The following INTS7 variants were observed in gnomAD, a reference collection of about 807,000 sequenced individuals.
The protein encoded by INTS7 is integrator complex subunit 7.
In INTS7, 46 loss-of-function variants were observed where a neutral mutation model predicts 109.2. The observed-to-expected ratio is 0.42, with a 90% CI of 0.33 to 0.54. The LOEUF is 0.54. Among genes scored for constraint, INTS7 ranks in the 20% least tolerant of loss-of-function variants. The pLI is 0.07. For synonymous variants in INTS7, 412 were observed against 402.9 expected (o/e 1.02, Z -0.27); for missense variants, 929 against 1,132.4 (o/e 0.82, Z 2.58).
At chr1:211,995,430 A>C (rs1405333761) in intron 7 of INTS7, among the ~76,000 whole-genome samples, 1 of 152,206 alleles carries the variant, frequency 6.6e-6, no homozygotes, top group African/African-American at 2.4e-5. Flanking sequence ...AGGTAAATCT[A>C]ACTATAAGGA....
intron 4 of INTS7, among the ~76,000 whole-genome samples, chr1:212,014,597 C>T (rs539880745): frequency 0.01 from 1,539 of 148,442 alleles, 31 homozygotes; most frequent in African/African-American, 0.036. Flanking sequence ...TGATGCCGAG[C>T]GGAGGCTGGA....
chr1:212,022,295 T>TA (rs1181020770), intron 1 of INTS7, among the ~76,000 whole-genome samples: 1 of 152,106 alleles, frequency 6.6e-6, no homozygotes, highest in East Asian at 1.9e-4. Context: ...AACCATAAAA[T>TA]AAAAAAGTGC....
chr1:212,020,017 A>G, intron 3 of INTS7, 105 bp downstream of exon 3: 1 of 794,054 alleles, frequency 1.3e-6, no homozygotes, highest in East Asian at 3.2e-5. Context: ...AAAAAACATA[A>G]ACAACTCCTA....
Position 212,007,263 on chromosome 1 carries a change from T to A in INTS7, c.743A>T (p.Asp248Val). The change falls in exon 6 of 20, where the codon GAT becomes GTT. Residue 248 changes from aspartate to valine, a missense_variant. Around this residue, in one of 2 missense-constraint regions of INTS7, gnomAD observed 787 missense variants for 901.1 expected, o/e 0.87. Transcript: ENST00000366994. The stretch of plus-strand genomic sequence containing the variant: ...AATTGAAATTACCTGCTTAGGTGTA[T>A]CAACCAAAGATGACGCTGCAAGCAG... ...FTLLAASSLV[D>V]TPKQIQLLLQ... 1 of 1,613,374 alleles carries A rather than the reference T, an allele frequency of 6.2e-7. No homozygotes were observed. Among genetic ancestry groups the A allele is most frequent in the Non-Finnish European group, 8.5e-7 (1 of 1,179,398 alleles).
intron 1 of INTS7, among the ~76,000 whole-genome samples, chr1:212,030,533 C>A (rs1015284026): frequency 2.0e-5 from 3 of 152,134 alleles, no homozygotes; most frequent in African/African-American, 7.2e-5. Context: ...AGGTGATCCG[C>A]CCGCCTCGGC....
intron 7 of INTS7, among the ~76,000 whole-genome samples, chr1:212,004,060 T>TTAG (rs1447891734): frequency 6.6e-6 from 1 of 152,202 alleles, no homozygotes; most frequent in Admixed American, 6.5e-5. Context: ...AATAATCCAA[T>TTAG]TAGTCCAGGC....
chr1:212,007,369 T>C lies in INTS7; in HGVS notation c.637A>G (p.Ser213Gly), dbSNP rs770322794. Residue 213 changes from serine (S) to glycine (G), a missense_variant, in exon 6 of 20, where the codon AGT becomes GGT. By Grantham distance (56) the Ser-to-Gly change is moderately conservative (BLOSUM62 0). This residue lies in a region of INTS7 where 787 missense variants were observed against 901.1 expected (regional missense o/e 0.87). Coordinates refer to ENST00000366994, the MANE Select transcript of INTS7 (RefSeq NM_015434.4). ...AGCTGTTGTAAAAGCTGACGAGCAC[T>C]GGAAGCCAAGATTGCATCATGGTGC... ...HMHHDAILAS[S>G]ARQLLQQLVT... The C allele has an allele frequency of 1.9e-6, 3 of 1,614,050 alleles. No homozygotes were observed. In the Admixed American group the frequency reaches 5.0e-5, roughly 27 times the overall value.
chr1:211,949,768 T>C (rs1663004188), intron 17 of INTS7, among the ~76,000 whole-genome samples: 1 of 152,234 alleles, frequency 6.6e-6, no homozygotes, highest in Non-Finnish European at 1.5e-5. Flanking sequence ...TCCCTTATAC[T>C]GTGTTCAAAG....
At chr1:211,969,999 A>G (rs1194678855) in intron 13 of INTS7, among the ~76,000 whole-genome samples, 2 of 151,992 alleles carry the variant, frequency 1.3e-5, no homozygotes, top group Non-Finnish European at 2.9e-5. Context: ...ATTACAGGTG[A>G]GAGCCACCGC....
chr1:212,006,703 G>T lies in INTS7; in HGVS notation c.815C>A (p.Ala272Asp), dbSNP rs769698736. 1 of 1,599,372 alleles carries T rather than the reference G, an allele frequency of 6.3e-7. No homozygotes were observed. Among genetic ancestry groups the T allele is most frequent in the Non-Finnish European group, 8.6e-7 (1 of 1,168,286 alleles). ...NDPRKAVKRL[A>D]IQDLKLLANK... ...AGCAAGTAATTTCAGATCTTGAATAGCAAGTCTCTTTACTGCCTTCCTGGG... is the reference window on the plus strand; with the variant it reads ...AGCAAGTAATTTCAGATCTTGAATATCAAGTCTCTTTACTGCCTTCCTGGG... The change falls in exon 7 of 20, where the codon GCT (alanine) becomes GAT (aspartate). Residue 272 changes from alanine to aspartate, a missense_variant. This residue lies in a region of INTS7 where 787 missense variants were observed against 901.1 expected (regional missense o/e 0.87). Coordinates refer to ENST00000366994, the MANE Select transcript of INTS7 (RefSeq NM_015434.4).
chr1:211,953,857 A>G (rs1373774895), intron 16 of INTS7, among the ~76,000 whole-genome samples: 1 of 151,808 alleles, frequency 6.6e-6, no homozygotes, highest in Non-Finnish European at 1.5e-5. Flanking sequence ...GCCGCAATAA[A>G]CATACATGTG....
At chr1:212,023,476 T>G (rs1336798116) in intron 1 of INTS7, among the ~76,000 whole-genome samples, 4 of 152,228 alleles carry the variant, frequency 2.6e-5, no homozygotes, top group Non-Finnish European at 4.4e-5. Flanking sequence ...ACTATGGTTT[T>G]AATTTACATT....
rs778221380 is a variant in INTS7, at chr1:211,968,724, AAAG to A, written c.1816-20_1816-18del. ...ACTAGCTGCCTGGGAAAAAAAAAAAAAAGAGATATTTAAGACAAAGTAAACAGA... is the reference window on the plus strand; with the variant it reads ...ACTAGCTGCCTGGGAAAAAAAAAAAAAGATATTTAAGACAAAGTAAACAGA... On this transcript the variant is annotated intron_variant, in intron 13 of 19. Coordinates refer to ENST00000366994, the MANE Select transcript of INTS7 (RefSeq NM_015434.4). 3.8e-5 allele frequency: 60 copies of A among 1,587,852 alleles called. No individual in the cohort carries two copies. The highest frequency in any genetic ancestry group is 3.5e-5 in the Non-Finnish European group (41 of 1,167,362).
intron 10 of INTS7, among the ~76,000 whole-genome samples, chr1:211,980,369 TAATTTTGCACCATCACA>T (rs1167613934): frequency 6.6e-6 from 1 of 152,214 alleles, no homozygotes; most frequent in East Asian, 1.9e-4. Context: ...TTCTCCTCAT[TAATTTTGCACCATCACA>T]AATTATATTT....
intron 17 of INTS7, among the ~76,000 whole-genome samples, chr1:211,948,174 A>T (rs943403462): frequency 6.6e-5 from 10 of 150,900 alleles, no homozygotes; most frequent in South Asian, 2.1e-4. Context: ...TTTTTTTTTT[A>T]AAGTTGGGTG....
At chr1:212,032,465 G>A (rs1054274869) in intron 1 of INTS7, among the ~76,000 whole-genome samples, 2 of 151,844 alleles carry the variant, frequency 1.3e-5, no homozygotes, top group Admixed American at 6.6e-5. Flanking sequence ...CTACCTGAAC[G>A]GGACTCTGGT....
intron 7 of INTS7, among the ~76,000 whole-genome samples, chr1:212,003,664 A>T (rs1056851583): frequency 1.3e-5 from 2 of 152,248 alleles, no homozygotes; most frequent in African/African-American, 4.8e-5. Flanking sequence ...CTTGTATCTT[A>T]ATTATACAAG....
intron 7 of INTS7, among the ~76,000 whole-genome samples, chr1:211,999,806 G>A (rs2970601): frequency 0.61 from 93,142 of 151,964 alleles, 28,979 homozygotes; most frequent in Non-Finnish European, 0.66. Context: ...TCTAATCAAG[G>A]AAAAGGGGAT....
At chr1:212,005,596 C>T (rs534919925) in intron 7 of INTS7, among the ~76,000 whole-genome samples, 1 of 152,298 alleles carries the variant, frequency 6.6e-6, no homozygotes, top group African/African-American at 2.4e-5. Context: ...GCTTCTCACT[C>T]ATCTTTCTAA....
Sources: allele counts gnomAD v4.1 joint callset (sites outside exome capture counted in the v4.1 genomes callset), GRCh38; gene constraint gnomAD v4.1.1; regional missense constraint gnomAD v4.1.1; transcripts MANE v1.5; gene names NCBI Gene and HGNC (gene_info 2026-07-23, HGNC 2026-07-21).